Variants in WRN observed in about 807,000 individuals in gnomAD.
WRN encodes WRN RecQ like helicase.
WRN carries 149 observed loss-of-function variants against 180.7 expected under a neutral mutation model. That is an observed-to-expected ratio of 0.82 (90% CI 0.72 to 0.94). WRN has a LOEUF of 0.94. WRN is among the 40% of genes least tolerant of loss of function. The pLI is 0.00. For missense variants in WRN, 1,661 were observed against 1,700.1 expected, an observed-to-expected ratio of 0.98 and a Z score of 0.40; for synonymous variants, 548 against 568.9, an observed-to-expected ratio of 0.96 and a Z score of 0.52.
At chr8:31,058,570 G>A (rs776465139) in intron 2 of WRN, 27 bp downstream of exon 2, 2 of 1,599,444 alleles carry the variant, frequency 1.3e-6, no homozygotes, top group South Asian at 1.1e-5. Flanking sequence ...CTATTCTTTT[G>A]GGTGAGAAAT....
intron 2 of WRN, 138 bp from the exon 3 acceptor site, chr8:31,059,015 G>T: frequency 1.4e-6 from 1 of 724,242 alleles, no homozygotes; most frequent in South Asian, 1.6e-5. Context: ...TTTTCTTTAT[G>T]ACTTCATTAG....
At chr8:31,099,222 C>A (rs1814113470) in intron 17 of WRN, among the ~76,000 whole-genome samples, 2 of 151,940 alleles carry the variant, frequency 1.3e-5, no homozygotes, top group South Asian at 2.1e-4. Flanking sequence ...CATGGTGAAA[C>A]CCTGTCTCTA....
intron 24 of WRN, among the ~76,000 whole-genome samples, chr8:31,133,630 T>G (rs1802273494): frequency 6.6e-6 from 1 of 152,232 alleles, no homozygotes; most frequent in Non-Finnish European, 1.5e-5. Context: ...TGTTTTTAGA[T>G]TCTAAATGGA....
At chr8:31,149,456 T>A (rs1475755599) in intron 30 of WRN, among the ~76,000 whole-genome samples, 1 of 1,892 alleles carries the variant, frequency 5.3e-4, no homozygotes, top group African/African-American at 9.1e-4. Flanking sequence ...AATAGAGGTG[T>A]TTTTTTTTTT....
intron 24 of WRN, among the ~76,000 whole-genome samples, chr8:31,137,265 A>G (rs1319212550): frequency 6.6e-5 from 10 of 152,130 alleles, no homozygotes; most frequent in Admixed American, 6.6e-4. Context: ...GGGACAGTTA[A>G]TCCCTACTGA....
chr8:31,089,684 G>A (rs559621073), intron 13 of WRN, among the ~76,000 whole-genome samples: 28 of 152,074 alleles, frequency 1.8e-4, no homozygotes, highest in African/African-American at 6.5e-4. Context: ...GTCAGTAACA[G>A]CATGCCAGAA....
intron 19 of WRN, among the ~76,000 whole-genome samples, chr8:31,113,644 T>C (rs1375349327): frequency 2.0e-5 from 3 of 152,202 alleles, no homozygotes; most frequent in Admixed American, 1.3e-4. Flanking sequence ...CTTTCCCTTA[T>C]AATAACACTC....
intron 33 of WRN, among the ~76,000 whole-genome samples, chr8:31,158,353 C>T (rs925270002): frequency 9.9e-5 from 15 of 151,856 alleles, no homozygotes; most frequent in East Asian, 1.9e-4. Flanking sequence ...CCTCAGCTCG[C>T]GGAGAGCAAG....
intron 1 of WRN, among the ~76,000 whole-genome samples, chr8:31,056,573 C>T (rs901330741): frequency 1.3e-5 from 2 of 152,114 alleles, no homozygotes; most frequent in East Asian, 3.9e-4. Context: ...GCAGGTAGAA[C>T]ATTCTTTTTT....
intron 1 of WRN, among the ~76,000 whole-genome samples, chr8:31,058,107 TAGTG>T (rs1376556742): frequency 6.6e-6 from 1 of 152,190 alleles, no homozygotes; most frequent in East Asian, 1.9e-4. Context: ...TTTTCATTGA[TAGTG>T]AGGTAAGGTT....
At chr8:31,132,793 T>C (rs1395554964) in intron 24 of WRN, among the ~76,000 whole-genome samples, 1 of 152,210 alleles carries the variant, frequency 6.6e-6, no homozygotes, top group Non-Finnish European at 1.5e-5. Flanking sequence ...ATCCCTAGAC[T>C]AGTCTTGCTT....
chr8:31,143,873 T>G (rs1282573216), intron 28 of WRN, among the ~76,000 whole-genome samples: 2 of 152,142 alleles, frequency 1.3e-5, no homozygotes, highest in African/African-American at 2.4e-5. Context: ...ATGTGATATC[T>G]CATTTAATTC....
At chr8:31,051,721 T>G (rs1268107973) in intron 1 of WRN, among the ~76,000 whole-genome samples, 1 of 152,196 alleles carries the variant, frequency 6.6e-6, no homozygotes, top group Non-Finnish European at 1.5e-5. Flanking sequence ...AAGTTGCATA[T>G]CTTATTGATA....
intron 18 of WRN, among the ~76,000 whole-genome samples, chr8:31,110,879 T>G (rs1989345): frequency 3.3e-5 from 5 of 152,036 alleles, no homozygotes; most frequent in African/African-American, 1.2e-4. Flanking sequence ...AAAACACGAG[T>G]TCTAGTTTTA....
intron 18 of WRN, among the ~76,000 whole-genome samples, chr8:31,105,174 T>C (rs1801046471): frequency 6.6e-6 from 1 of 152,222 alleles, no homozygotes; most frequent in African/African-American, 2.4e-5. Flanking sequence ...ACCATGTGAA[T>C]TGAGCTCCAA....
At chr8:31,082,913 G>A (rs924958900) in intron 9 of WRN, among the ~76,000 whole-genome samples, 13 of 151,918 alleles carry the variant, frequency 8.6e-5, no homozygotes, top group African/African-American at 2.9e-4. Flanking sequence ...TTCTTTATTC[G>A]TTAAATAAGA....
chr8:31,056,462 AT>A (rs1812277165), intron 1 of WRN, among the ~76,000 whole-genome samples: 2 of 152,166 alleles, frequency 1.3e-5, no homozygotes, highest in South Asian at 4.1e-4. Flanking sequence ...TATTTTACAT[AT>A]TTTTTCACTA....
At chr8:31,076,885 G>T (rs1179040370) in intron 8 of WRN, among the ~76,000 whole-genome samples, 3 of 152,118 alleles carry the variant, frequency 2.0e-5, no homozygotes, top group Non-Finnish European at 2.9e-5. Context: ...ATAGACCTTG[G>T]AATACAGGGG....
intron 24 of WRN, among the ~76,000 whole-genome samples, chr8:31,137,960 G>A (rs545896082): frequency 2.6e-5 from 4 of 152,106 alleles, no homozygotes; most frequent in South Asian, 2.1e-4. Context: ...AAATATTAGC[G>A]GGCATGGTGG....
Sources: allele counts gnomAD v4.1 joint callset (sites outside exome capture counted in the v4.1 genomes callset), GRCh38; gene constraint gnomAD v4.1.1; transcripts MANE v1.5; gene names NCBI Gene and HGNC (gene_info 2026-07-23, HGNC 2026-07-21).